Variants in SHROOM4 observed in about 807,000 individuals in gnomAD.
SHROOM4 encodes shroom family member 4.
A neutral mutation model predicts 80.3 loss-of-function variants in SHROOM4; 17 were observed. The ratio of observed to expected loss-of-function variants is 0.21; its 90% confidence interval spans 0.14 to 0.32. The LOEUF (loss-of-function observed/expected upper bound fraction) is 0.32, where lower values mean the gene tolerates loss of function less well. SHROOM4 is among the 10% of genes least tolerant of loss of function. The pLI, the probability that SHROOM4 is intolerant of heterozygous loss-of-function variation, is 1.00. For missense variants in SHROOM4, 993 were observed against 1,140.3 expected, an observed-to-expected ratio of 0.87 and a Z score of 1.86; for synonymous variants, 400 against 437.5, an observed-to-expected ratio of 0.91 and a Z score of 1.07.
chrX:50,680,357 T>C (rs963661672), intron 2 of SHROOM4, among the ~76,000 whole-genome samples: 3 of 112,045 alleles, frequency 2.7e-5, no homozygotes, highest in Non-Finnish European at 5.6e-5. Flanking sequence ...CTGGTCCAAC[T>C]TAGGCTTAAA....
At chrX:50,801,272 G>T (rs1936115172) in intron 1 of SHROOM4, among the ~76,000 whole-genome samples, 1 of 105,065 alleles carries the variant, frequency 9.5e-6, no homozygotes, top group Admixed American at 1.0e-4. Context: ...GAGAGAGAGA[G>T]AGAGAGAGAG....
intron 2 of SHROOM4, among the ~76,000 whole-genome samples, chrX:50,673,517 GAAAAC>G (rs200114719): frequency 0.039 from 4,304 of 110,936 alleles, 222 homozygotes; most frequent in African/African-American, 0.14. Context: ...AGAACAAAGA[GAAAAC>G]AAAACAAGAT....
At chrX:50,728,184 C>T (rs1175572214) in intron 1 of SHROOM4, among the ~76,000 whole-genome samples, 1 of 110,134 alleles carries the variant, frequency 9.1e-6, no homozygotes, top group South Asian at 3.9e-4. Flanking sequence ...ACGGTGAAAC[C>T]CCGTCTCTAC....
intron 2 of SHROOM4, among the ~76,000 whole-genome samples, chrX:50,652,331 C>A (rs1373939688): frequency 1.8e-5 from 2 of 112,154 alleles, no homozygotes; most frequent in African/African-American, 6.5e-5. Context: ...CTCTAATGGC[C>A]AATGACGATA....
chrX:50,671,649 T>A (rs191212809), intron 2 of SHROOM4, among the ~76,000 whole-genome samples: 1 of 112,779 alleles, frequency 8.9e-6, no homozygotes, highest in African/African-American at 3.2e-5. Context: ...TGAAGAAAGT[T>A]CAAGCCTTTT....
chrX:50,655,957 T>C (rs1932292976), intron 2 of SHROOM4, among the ~76,000 whole-genome samples: 1 of 111,675 alleles, frequency 9.0e-6, no homozygotes, highest in South Asian at 3.8e-4. Flanking sequence ...TTCTAACATA[T>C]GTGAGGTGAT....
At position 50,595,588 on chromosome X, in the gene SHROOM4, G is replaced by A. The variant is rs1215109583; in HGVS notation, c.*1107C>T. 1 of 215,441 alleles carries A rather than the reference G, an allele frequency of 4.6e-6. No individual in the cohort carries two copies. The highest frequency in any genetic ancestry group is 8.6e-6 in the Non-Finnish European group (1 of 116,607). The allele number at this position is 215,441 out of a possible 1,213,427, so 17.8% of individuals were successfully genotyped here. A position where few individuals can be genotyped will look rare whatever the true frequency, so the allele number is the denominator to read the frequency against. On this transcript the variant is annotated 3_prime_UTR_variant, in exon 9 of 9. Transcript: ENST00000376020. ...AACTCAAGTCACTTAGACTTTAAGG[G>A]AAGCACAAGGCCAGGCCACAGTAGG... is the stretch of plus-strand genomic sequence containing the variant.
intron 2 of SHROOM4, among the ~76,000 whole-genome samples, chrX:50,690,262 G>A (rs148427681): frequency 0.012 from 1,350 of 111,192 alleles, 23 homozygotes; most frequent in African/African-American, 0.041. Flanking sequence ...ATAGTAGTGC[G>A]CCTTTAATTT....
At chrX:50,616,147 C>G (rs782570700) in intron 5 of SHROOM4, among the ~76,000 whole-genome samples, 9 of 112,365 alleles carry the variant, frequency 8.0e-5, no homozygotes, top group Non-Finnish European at 1.7e-4. Flanking sequence ...TCAGCCTTGT[C>G]CAATCATTTT....
chrX:50,799,525 C>G (rs182365572), intron 1 of SHROOM4, among the ~76,000 whole-genome samples: 1 of 111,411 alleles, frequency 9.0e-6, no homozygotes, highest in East Asian at 2.8e-4. Context: ...TTCCCTTTGG[C>G]CCTTCTCAGC....
chrX:50,691,449 G>C (rs912005181), intron 2 of SHROOM4, among the ~76,000 whole-genome samples: 1 of 111,355 alleles, frequency 9.0e-6, no homozygotes, highest in Non-Finnish European at 1.9e-5. Flanking sequence ...CAGTGGGAAG[G>C]CTCTTAGAAT....
At chrX:50,754,928 C>T (rs897122251) in intron 1 of SHROOM4, among the ~76,000 whole-genome samples, 3 of 112,382 alleles carry the variant, frequency 2.7e-5, no homozygotes, top group Admixed American at 9.4e-5. Context: ...CCTAGCTCTG[C>T]AGTGCACTGT....
chrX:50,628,960 G>A (rs1328063929), intron 4 of SHROOM4, among the ~76,000 whole-genome samples: 1 of 111,631 alleles, frequency 9.0e-6, no homozygotes, highest in Non-Finnish European at 1.9e-5. Context: ...ACTCTGCCTC[G>A]ATGCCCTTGT....
At chrX:50,720,331 C>T (rs1557265320) in intron 1 of SHROOM4, among the ~76,000 whole-genome samples, 1 of 111,623 alleles carries the variant, frequency 9.0e-6, no homozygotes, top group Admixed American at 9.5e-5. Flanking sequence ...ATGAGGGTGG[C>T]CAAAGGCAGG....
chrX:50,651,369 C>G (rs1557258733), intron 2 of SHROOM4, among the ~76,000 whole-genome samples: 8 of 111,967 alleles, frequency 7.1e-5, no homozygotes, highest in Non-Finnish European at 1.5e-4. Flanking sequence ...AGAAGAAACT[C>G]AGGCTTAGGG....
chrX:50,648,479 T>G (rs1931923287), intron 2 of SHROOM4, among the ~76,000 whole-genome samples: 1 of 112,278 alleles, frequency 8.9e-6, no homozygotes, highest in Admixed American at 9.4e-5. Flanking sequence ...GAAGAAGAAG[T>G]AATCCCTGTG....
At chrX:50,614,735 C>T (rs1930148939) in intron 5 of SHROOM4, among the ~76,000 whole-genome samples, 1 of 112,043 alleles carries the variant, frequency 8.9e-6, no homozygotes, top group African/African-American at 3.2e-5. Context: ...CCTACAGACA[C>T]ATTCCAACAT....
rs1557270239 is a variant in SHROOM4, at chrX:50,777,515, C to T, written c.117+36387G>A. 2.7e-5 allele frequency among the ~76,000 whole-genome samples: 3 copies of T among 111,757 alleles called. 1 individual carries two copies. Among genetic ancestry groups the T allele is most frequent in the Admixed American group, 9.5e-5 (1 of 10,536 alleles). On this transcript the variant is annotated intron_variant, in intron 1 of 8. Coordinates refer to ENST00000376020, the MANE Select transcript of SHROOM4 (RefSeq NM_020717.5). ...AAATTAAACTATAATGCATTCATAT[C>T]ATGGGTTATTATTATGCAGTAATTT... is the stretch of plus-strand genomic sequence containing the variant.
intron 1 of SHROOM4, among the ~76,000 whole-genome samples, chrX:50,700,705 C>T (rs1183500369): frequency 2.7e-5 from 3 of 111,565 alleles, no homozygotes; most frequent in Admixed American, 9.5e-5. Flanking sequence ...CCTTAAAAAC[C>T]GCTCTCAAAT....
Sources: allele counts gnomAD v4.1 joint callset (sites outside exome capture counted in the v4.1 genomes callset), GRCh38; gene constraint gnomAD v4.1.1; transcripts MANE v1.5; gene names NCBI Gene and HGNC (gene_info 2026-07-23, HGNC 2026-07-21).